Variants in SLC27A6 observed in about 807,000 individuals in gnomAD.
SLC27A6 encodes solute carrier family 27 member 6.
In SLC27A6, 74 loss-of-function variants were observed where a neutral mutation model predicts 63.9. The ratio of observed to expected loss-of-function variants is 1.16; its 90% CI spans 0.96 to 1.40. The LOEUF (loss-of-function observed/expected upper bound fraction) is 1.40, where lower values mean the gene tolerates loss of function less well. Ranked by LOEUF, SLC27A6 falls within the 40% of genes most tolerant of loss-of-function variation. The pLI is 0.00. For missense variants in SLC27A6, 794 were observed against 732.9 expected (o/e 1.08, Z -0.96); for synonymous variants, 287 against 260.8 (o/e 1.10, Z -0.97).
chr5:129,032,253 C>T (rs1561636219), intron 9 of SLC27A6, among the ~76,000 whole-genome samples: 3 of 152,036 alleles, frequency 2.0e-5, no homozygotes, highest in Admixed American at 2.0e-4. Context: ...TGAGTAGCCA[C>T]CTGAAAAATA....
At position 128,992,361 on chromosome 5, in the gene SLC27A6, G is replaced by A. The variant is rs1021039343; in HGVS notation, c.969+1897G>A. Among the ~76,000 whole-genome samples the A allele has an allele frequency of 2.6e-5, 4 of 152,268 alleles. No individual in the cohort carries two copies. In the East Asian group the frequency reaches 5.8e-4, roughly 22 times the overall value. ...TTCTCTTTGGCTAAAATCTGGCCAT[G>A]TAATTTTTCAATTAATTACCCAGAG... is the stretch of plus-strand genomic sequence containing the variant. On this transcript the variant is annotated intron_variant, in intron 4 of 9. Transcript: ENST00000262462.
chr5:129,009,716 C>A (rs1456647424), intron 4 of SLC27A6, among the ~76,000 whole-genome samples: 1 of 151,832 alleles, frequency 6.6e-6, no homozygotes, highest in African/African-American at 2.4e-5. Flanking sequence ...ACTCTGTTGC[C>A]CCGGCTGGAG....
chr5:129,014,918 C>T (rs746915072), intron 4 of SLC27A6, among the ~76,000 whole-genome samples: 2 of 152,196 alleles, frequency 1.3e-5, no homozygotes, highest in African/African-American at 2.4e-5. Flanking sequence ...TCACTTCTCT[C>T]TATTCTTGAG....
chr5:128,985,531 A>G (rs562219142), intron 2 of SLC27A6, among the ~76,000 whole-genome samples, 195 bp downstream of exon 2: 6 of 152,286 alleles, frequency 3.9e-5, no homozygotes, highest in East Asian at 1.9e-4. Context: ...TTGAAAAGTC[A>G]TTGTGTTCAT....
chr5:128,995,954 TG>T (rs781641521), intron 4 of SLC27A6, among the ~76,000 whole-genome samples: 1 of 152,194 alleles, frequency 6.6e-6, no homozygotes, highest in African/African-American at 2.4e-5. Flanking sequence ...CCCAGGTTTT[TG>T]GTTCAAACAT....
At chr5:129,015,035 A>C in intron 4 of SLC27A6, among the ~76,000 whole-genome samples, 1 of 152,216 alleles carries the variant, frequency 6.6e-6, no homozygotes, top group East Asian at 1.9e-4. Context: ...GTACCAAAGA[A>C]GCCAGTTTCT....
At chr5:128,974,853 C>T (rs1750322541) in intron 1 of SLC27A6, among the ~76,000 whole-genome samples, 1 of 152,214 alleles carries the variant, frequency 6.6e-6, no homozygotes, top group African/African-American at 2.4e-5. Context: ...TTAAATGACA[C>T]ATCTTTTGTA....
At chr5:129,013,902 G>T (rs1751807892) in intron 4 of SLC27A6, among the ~76,000 whole-genome samples, 2 of 152,058 alleles carry the variant, frequency 1.3e-5, no homozygotes, top group Non-Finnish European at 2.9e-5. Flanking sequence ...TTCAGAATGA[G>T]GCACTAAATG....
intron 2 of SLC27A6, among the ~76,000 whole-genome samples, chr5:128,985,756 T>C (rs1750766264): frequency 1.3e-5 from 2 of 152,200 alleles, no homozygotes; most frequent in Admixed American, 1.3e-4. Context: ...TTCTTTTGGA[T>C]TTAAAAAGTG....
chr5:128,978,194 G>A (rs1363852128), intron 1 of SLC27A6, among the ~76,000 whole-genome samples: 4 of 152,090 alleles, frequency 2.6e-5, no homozygotes, highest in African/African-American at 9.7e-5. Flanking sequence ...AAAACTTGGT[G>A]TCTTAATATT....
At chr5:129,002,931 C>T (rs1751390788) in intron 4 of SLC27A6, among the ~76,000 whole-genome samples, 1 of 152,156 alleles carries the variant, frequency 6.6e-6, no homozygotes, top group Non-Finnish European at 1.5e-5. Flanking sequence ...CTGTATTTGT[C>T]CTCTTTCTTG....
Position 129,033,304 on chromosome 5 carries a change from C to T in SLC27A6, c.*22C>T. ...TTAAGATTTTTATATCTAGAACTTT[C>T]ATATGCTTTCTTAGGAAGAGTGAGA... is the stretch of plus-strand genomic sequence containing the variant. On this transcript the variant is annotated 3_prime_UTR_variant, in exon 10 of 10. Coordinates refer to ENST00000262462, the MANE Select transcript of SLC27A6 (RefSeq NM_001017372.3). The T allele has an allele frequency of 1.4e-6, 2 of 1,438,988 alleles. No homozygotes were observed. The highest frequency in any genetic ancestry group is 1.9e-6 in the Non-Finnish European group (2 of 1,056,356). 89.1% of individuals were successfully genotyped at this position (1,438,988 alleles called of 1,614,324 possible). A position where few individuals can be genotyped will look rare whatever the true frequency, so the allele number is the denominator to read the frequency against.
At chr5:129,024,981 C>T (rs1752187727) in intron 6 of SLC27A6, among the ~76,000 whole-genome samples, 2 of 152,140 alleles carry the variant, frequency 1.3e-5, no homozygotes, top group African/African-American at 4.8e-5. Flanking sequence ...AATCTGTAGA[C>T]ACTGCCCATG....
intron 4 of SLC27A6, among the ~76,000 whole-genome samples, chr5:128,996,347 T>C (rs1015148128): frequency 2.0e-5 from 3 of 152,194 alleles, no homozygotes; most frequent in Non-Finnish European, 4.4e-5. Flanking sequence ...TCTTAAAAGC[T>C]AAGAAATTCC....
Position 129,033,196 on chromosome 5 carries a change from T to G in SLC27A6, c.1774T>G (p.Tyr592Asp), listed in dbSNP as rs367769620. ...FNPLKISEPL[Y>D]FMDNLKKSYV... ...TCCACTGAAAATTTCTGAACCACTT[T>G]ACTTCATGGATAACTTGAAAAAGTC... Residue 592 changes from tyrosine to aspartate, a missense_variant, in exon 10 of 10, where the codon TAC becomes GAC. Tyr to Asp is a radical substitution (Grantham distance 160). Transcript: ENST00000262462. 27 of 1,606,890 alleles carry G rather than the reference T, an allele frequency of 1.7e-5. No individual in the cohort carries two copies. Among genetic ancestry groups the G allele is most frequent in the African/African-American group, 4.0e-5 (3 of 74,576 alleles).
chr5:128,971,918 A>G (rs10060439), intron 1 of SLC27A6, among the ~76,000 whole-genome samples: 90,876 of 151,738 alleles, frequency 0.6, 27,676 homozygotes, highest in Non-Finnish European at 0.66. Context: ...TCCTTTCCAC[A>G]TTTAGTGCTT....
chr5:129,008,666 C>A (rs193084784), intron 4 of SLC27A6, among the ~76,000 whole-genome samples: 1 of 152,068 alleles, frequency 6.6e-6, no homozygotes. Flanking sequence ...CCATAGGAGG[C>A]GGGAACTAGA....
At chr5:129,019,691 TA>T (rs778602117) in intron 5 of SLC27A6, among the ~76,000 whole-genome samples, 2 of 151,796 alleles carry the variant, frequency 1.3e-5, no homozygotes, top group Non-Finnish European at 2.9e-5. Context: ...GGAAAAAATG[TA>T]AATATTACAC....
chr5:129,025,922 G>C (rs1328595732), intron 6 of SLC27A6, among the ~76,000 whole-genome samples: 1 of 152,124 alleles, frequency 6.6e-6, no homozygotes, highest in Non-Finnish European at 1.5e-5. Context: ...GATGGCTTAA[G>C]CCCAAGAGTT....
Sources: allele counts gnomAD v4.1 joint callset (sites outside exome capture counted in the v4.1 genomes callset), GRCh38; gene constraint gnomAD v4.1.1; transcripts MANE v1.5; gene names NCBI Gene and HGNC (gene_info 2026-07-23, HGNC 2026-07-21).